Variants in ERC2 observed in about 807,000 individuals in gnomAD.
ERC2 encodes the protein ELKS/RAB6-interacting/CAST family member 2, also known as ERC protein 2.
ERC2 carries 42 observed loss-of-function variants against 114.8 expected under a neutral mutation model. The observed-to-expected ratio is 0.37, with a 90% CI of 0.29 to 0.47. ERC2 has a LOEUF of 0.47. Ranked by LOEUF, ERC2 falls within the 20% of genes least tolerant of loss-of-function variation. ERC2 has a pLI of 0.99. For missense variants in ERC2, 939 were observed against 1,150.7 expected (o/e 0.82, Z 2.66); for synonymous variants, 454 against 425.5 (o/e 1.07, Z -0.82).
intron 6 of ERC2, among the ~76,000 whole-genome samples, chr3:56,092,904 C>A (rs1483658783): frequency 1.3e-5 from 2 of 152,086 alleles, no homozygotes; most frequent in African/African-American, 4.8e-5. Context: ...AATATTGATC[C>A]CGCTTAGATA....
At chr3:55,847,903 A>G (rs947887882) in intron 14 of ERC2, among the ~76,000 whole-genome samples, 9 of 152,220 alleles carry the variant, frequency 5.9e-5, no homozygotes, top group African/African-American at 2.2e-4. Context: ...GGCTCAAATG[A>G]TCCTCCTGCC....
At chr3:55,626,384 G>T (rs1168575196) in intron 17 of ERC2, among the ~76,000 whole-genome samples, 1 of 152,192 alleles carries the variant, frequency 6.6e-6, no homozygotes, top group Non-Finnish European at 1.5e-5. Context: ...AAACCAGAAG[G>T]AGAGAAATGA....
chr3:56,226,666 G>C (rs965399759), intron 3 of ERC2, among the ~76,000 whole-genome samples: 4 of 152,056 alleles, frequency 2.6e-5, no homozygotes, highest in Admixed American at 2.6e-4. Context: ...TGACAAATGG[G>C]TCTCCACCCT....
At chr3:56,176,210 C>A (rs1245258207) in intron 3 of ERC2, among the ~76,000 whole-genome samples, 1 of 152,090 alleles carries the variant, frequency 6.6e-6, no homozygotes, top group African/African-American at 2.4e-5. Flanking sequence ...GCCAGGAATG[C>A]AATTCATAAT....
intron 3 of ERC2, among the ~76,000 whole-genome samples, chr3:56,210,100 C>T (rs2048968414): frequency 6.6e-6 from 1 of 152,190 alleles, no homozygotes; most frequent in Non-Finnish European, 1.5e-5. Flanking sequence ...AACTCCTGAT[C>T]TCATTTCTTC....
intron 17 of ERC2, among the ~76,000 whole-genome samples, chr3:55,515,698 T>C (rs1167853761): frequency 6.7e-6 from 1 of 149,882 alleles, no homozygotes; most frequent in Non-Finnish European, 1.5e-5. Flanking sequence ...TAGGTGGGGG[T>C]GTGTGAGGGG....
At chr3:55,645,733 T>C (rs547663577) in intron 17 of ERC2, among the ~76,000 whole-genome samples, 1 of 152,310 alleles carries the variant, frequency 6.6e-6, no homozygotes, top group South Asian at 2.1e-4. Context: ...GTGGGGCTAA[T>C]TTGATAAGTG....
At chr3:56,180,321 T>G (rs2083220528) in intron 3 of ERC2, among the ~76,000 whole-genome samples, 1 of 152,186 alleles carries the variant, frequency 6.6e-6, no homozygotes, top group South Asian at 2.1e-4. Flanking sequence ...GTGGGCTATT[T>G]AACCAATCAT....
chr3:56,124,058 C>T (rs755564330), intron 6 of ERC2, among the ~76,000 whole-genome samples: 7 of 152,122 alleles, frequency 4.6e-5, no homozygotes, highest in African/African-American at 1.4e-4. Flanking sequence ...TCAGGAAGTA[C>T]CAAACTCCTA....
chr3:55,837,393 G>A (rs1268329430), intron 14 of ERC2, among the ~76,000 whole-genome samples: 4 of 152,032 alleles, frequency 2.6e-5, no homozygotes, highest in African/African-American at 7.3e-5. Context: ...AGAAAATGTG[G>A]CACATATACA....
chr3:56,086,433 T>G (rs2149773568), intron 6 of ERC2, among the ~76,000 whole-genome samples: 1 of 152,132 alleles, frequency 6.6e-6, no homozygotes, highest in South Asian at 2.1e-4. Context: ...GGGTCGTGCC[T>G]TTCAATCACC....
chr3:55,542,508 T>C (rs899656434), intron 17 of ERC2, among the ~76,000 whole-genome samples: 1 of 152,130 alleles, frequency 6.6e-6, no homozygotes, highest in African/African-American at 2.4e-5. Flanking sequence ...CATCTCTCTC[T>C]CTCTTTCTCA....
At chr3:55,820,862 G>A (rs1398959952) in intron 14 of ERC2, among the ~76,000 whole-genome samples, 1 of 152,160 alleles carries the variant, frequency 6.6e-6, no homozygotes, top group Non-Finnish European at 1.5e-5. Flanking sequence ...AGTGAGCCCT[G>A]GGCCAAGCTA....
chr3:55,791,644 C>T (rs2070034671), intron 14 of ERC2, among the ~76,000 whole-genome samples: 1 of 152,082 alleles, frequency 6.6e-6, no homozygotes, highest in South Asian at 2.1e-4. Flanking sequence ...CCATATTAAC[C>T]CATCAGGCAC....
intron 7 of ERC2, among the ~76,000 whole-genome samples, chr3:56,032,897 G>GAAAGAAAGAAAGAA (rs1409585196): frequency 4.5e-5 from 3 of 66,364 alleles, no homozygotes; most frequent in Non-Finnish European, 6.3e-5. Context: ...GAGAGAGAGA[G>GAAAGAAAGAAAGAA]AGACAGAAAG....
rs370057271 is a variant in ERC2 at position 56,051,826 on chromosome 3, AACACACACACACACAC to A, written c.1641+28975_1641+28990del. 5.0e-3 allele frequency among the ~76,000 whole-genome samples: 656 copies of A among 130,098 alleles called. 3 individuals are homozygous for A. The highest frequency in any genetic ancestry group is 0.014 in the Admixed American group (183 of 12,998). 85.3% of individuals were successfully genotyped at this position (130,098 alleles called of 152,430 possible). A position where few individuals can be genotyped will look rare whatever the true frequency, so the allele number is the denominator to read the frequency against. On this transcript the variant is annotated intron_variant, in intron 7 of 17. Transcript: ENST00000288221. ...GGCGACAGAGTGAGACTCCATCTCA[AACACACACACACACAC>A]ACACACACACACACACACACACACA...
chr3:56,118,214 C>T (rs1471426590), intron 6 of ERC2, among the ~76,000 whole-genome samples: 1 of 152,166 alleles, frequency 6.6e-6, no homozygotes, highest in Non-Finnish European at 1.5e-5. Context: ...TGAGCACATG[C>T]TAGACATAGA....
intron 17 of ERC2, among the ~76,000 whole-genome samples, chr3:55,577,709 C>T (rs116585901): frequency 0.01 from 1,557 of 152,244 alleles, 23 homozygotes; most frequent in African/African-American, 0.035. Context: ...TGGAGAGGAA[C>T]CTGCTAGGTG....
chr3:55,936,129 C>A (rs927363195), intron 13 of ERC2, among the ~76,000 whole-genome samples: 1 of 152,132 alleles, frequency 6.6e-6, no homozygotes, highest in East Asian at 1.9e-4. Context: ...AACACACACT[C>A]CTGCTCTCTC....
Sources: gnomAD v4.1 joint callset for allele counts (sites outside exome capture counted in the v4.1 genomes callset) on GRCh38, gnomAD v4.1.1 for gene constraint, MANE v1.5 for transcripts, NCBI Gene and HGNC (gene_info 2026-07-23, HGNC 2026-07-21) for gene names.